Variants in ADCY7 observed in about 807,000 individuals in gnomAD.
ADCY7 encodes adenylate cyclase 7.
ADCY7 carries 72 observed loss-of-function variants against 120.6 expected under a neutral mutation model. That is an observed-to-expected ratio of 0.60 (90% CI 0.49 to 0.73). ADCY7 has a LOEUF of 0.73. Among genes scored for constraint, ADCY7 ranks in the 30% least tolerant of loss-of-function variants. The probability of loss-of-function intolerance (pLI) is 0.00; values close to 1 mark genes in which losing one functional copy is unlikely to be tolerated. For synonymous variants in ADCY7, 661 were observed against 628.0 expected (o/e 1.05, Z -0.78); for missense variants, 1,227 against 1,486.0 (o/e 0.83, Z 2.87).
In ADCY7 at chr16:50,305,400, C is replaced by T. The variant is rs1272548077; in HGVS notation, c.1596-103C>T. 15 of 1,004,206 alleles carry T rather than the reference C, an allele frequency of 1.5e-5. No individual in the cohort carries two copies. In the East Asian group the frequency reaches 3.1e-4, roughly 21 times the overall value. The allele number at this position is 1,004,206 out of a possible 1,614,324, so 62.2% of individuals were successfully genotyped here. ...GGACCCACCCATTCCTTCACCATCC[C>T]ACCTGAGGTTCTGGGACCCCACTGG... On this transcript the variant is annotated intron_variant, in intron 12 of 25. Coordinates refer to ENST00000673801, the MANE Select transcript of ADCY7 (RefSeq NM_001114.5).
chr16:50,306,973 TAAAGCTGA>T, intron 14 of ADCY7, 69 bp from the exon 15 acceptor site: 1 of 1,174,420 alleles, frequency 8.5e-7, no homozygotes, highest in African/African-American at 1.5e-5. Context: ...GTGTTTTTTT[TAAAGCTGA>T]TTCACTGGAG....
At chr16:50,313,911 G>A in intron 22 of ADCY7, 47 bp from the exon 23 acceptor site, 1 of 1,529,244 alleles carries the variant, frequency 6.5e-7, no homozygotes, top group Non-Finnish European at 9.0e-7. Flanking sequence ...CAGCCTGGCT[G>A]CGGCTATGGA....
intron 17 of ADCY7, chr16:50,309,001 C>T: frequency 3.8e-6 from 2 of 527,784 alleles, no homozygotes; most frequent in African/African-American, 3.9e-5. Flanking sequence ...GCTTGTGTGG[C>T]CAGCTCCAGG....
rs73581635 is a variant in ADCY7 at position 50,311,945 on chromosome 16, G to A, written c.2449-91G>A. 2.3e-3 allele frequency: 3,622 copies of A among 1,570,702 alleles called. 82 individuals carry two copies. In the African/African-American group the frequency reaches 0.043, roughly 19 times the overall value. On this transcript the variant is annotated intron_variant, in intron 20 of 25. Transcript: ENST00000673801. The stretch of plus-strand genomic sequence containing the variant: ...TCCCCTGGCCAGAGGCTCCAAGGAC[G>A]CCAGGGACAGACAGACCTGGCTAGG...
At chr16:50,260,195 G>T (rs1355674906) in intron 1 of ADCY7, among the ~76,000 whole-genome samples, 1 of 152,242 alleles carries the variant, frequency 6.6e-6, no homozygotes, top group Admixed American at 6.5e-5. Context: ...CTGGGTACAG[G>T]TCAATCTGGC....
At chr16:50,290,868 G>T (rs1237418558) in intron 3 of ADCY7, among the ~76,000 whole-genome samples, 2 of 152,196 alleles carry the variant, frequency 1.3e-5, no homozygotes, top group Non-Finnish European at 2.9e-5. Context: ...AGCACTTTTG[G>T]GTGGCTCCAG....
At chr16:50,294,501 T>A in intron 6 of ADCY7, 139 bp from the exon 7 acceptor site, 1 of 603,874 alleles carries the variant, frequency 1.7e-6, no homozygotes, top group Non-Finnish European at 2.9e-6. Flanking sequence ...CTCCCATCCC[T>A]ATGGAGGCTG....
chr16:50,277,276 A>G (rs1432113173), intron 1 of ADCY7, among the ~76,000 whole-genome samples: 1 of 152,164 alleles, frequency 6.6e-6, no homozygotes, highest in East Asian at 1.9e-4. Flanking sequence ...TCTTGTACTT[A>G]TGTCATTTCA....
chr16:50,295,345 A>ATTTTTTTTTTTTTTTTTTTTT (rs67137852), intron 7 of ADCY7, among the ~76,000 whole-genome samples: 1 of 82,738 alleles, frequency 1.2e-5, no homozygotes, highest in Non-Finnish European at 2.3e-5. Context: ...CGCCTGGCTA[A>ATTTTTTTTTTTTTTTTTTTTT]TTTTTTTTTT....
chr16:50,314,477 A>T, intron 24 of ADCY7, 71 bp downstream of exon 24: 6 of 1,118,682 alleles, frequency 5.4e-6, no homozygotes, highest in South Asian at 1.3e-5. Context: ...TGTGTGGCAC[A>T]GCTGCACCTC....
At chr16:50,247,843 A>T (rs187261265) in intron 1 of ADCY7, among the ~76,000 whole-genome samples, 20 of 152,250 alleles carry the variant, frequency 1.3e-4, no homozygotes, top group African/African-American at 4.8e-4. Context: ...CTCTTCCCTC[A>T]GCAGCCACAC....
intron 25 of ADCY7, 66 bp from the exon 26 acceptor site, chr16:50,315,293 A>G: frequency 1.3e-6 from 2 of 1,579,498 alleles, no homozygotes; most frequent in Admixed American, 3.4e-5. Context: ...GGCAGTCTCT[A>G]TCTGTCCCTA....
chr16:50,252,792 T>C (rs1426933344), intron 1 of ADCY7, among the ~76,000 whole-genome samples: 1 of 152,204 alleles, frequency 6.6e-6, no homozygotes, highest in African/African-American at 2.4e-5. Context: ...TGGTTTTCAT[T>C]TTTTAAAGTA....
rs2035662007 is a variant in ADCY7, at chr16:50,300,775, T to C, written c.1137T>C (p.Asn379=). 2 of 1,553,096 alleles carry C rather than the reference T, an allele frequency of 1.3e-6. No individual in the cohort carries two copies. Among genetic ancestry groups the C allele is most frequent in the Non-Finnish European group, 1.7e-6 (2 of 1,147,892 alleles). ...TGCGTGTGGGCATACACTCGGGGAA[T>C]GTGCTGTGCGGGGTCATCGGGCTGC... is the stretch of plus-strand genomic sequence containing the variant. ...INMRVGIHSG[N]VLCGVIGLRK... The change falls in exon 9 of 26, where the codon AAT becomes AAC. Residue 379 remains asparagine (N), a synonymous_variant. Coordinates refer to ENST00000673801, the MANE Select transcript of ADCY7 (RefSeq NM_001114.5).
intron 1 of ADCY7, among the ~76,000 whole-genome samples, chr16:50,259,145 A>G (rs1457134689): frequency 1.3e-5 from 2 of 152,234 alleles, no homozygotes; most frequent in Non-Finnish European, 2.9e-5. Flanking sequence ...GCCAAATTCT[A>G]TCACCTAGTG....
chr16:50,311,108 G>A (rs1047742812), intron 19 of ADCY7, among the ~76,000 whole-genome samples: 1 of 152,178 alleles, frequency 6.6e-6, no homozygotes, highest in Non-Finnish European at 1.5e-5. Flanking sequence ...CCAGTCTAGT[G>A]GTGGGGAGGG....
At chr16:50,300,671 C>T (rs985197366) in intron 8 of ADCY7, 44 bp from the exon 9 acceptor site, 79 of 1,547,316 alleles carry the variant, frequency 5.1e-5, no homozygotes, top group Non-Finnish European at 6.7e-5. Flanking sequence ...CAGCCTGTCC[C>T]AGGGCTTAGG....
At chr16:50,304,688 C>T in intron 11 of ADCY7, 137 bp downstream of exon 11, 1 of 1,051,804 alleles carries the variant, frequency 9.5e-7, no homozygotes, top group Admixed American at 2.4e-5. Flanking sequence ...GCCCCACCTC[C>T]TGGGGCTGGA....
Position 50,315,379 on chromosome 16 carries a change from C to T in ADCY7, c.3117C>T (p.Thr1039=), listed in dbSNP as rs753123108. 6.2e-7 allele frequency: 1 copy of T among 1,613,232 alleles called. No homozygotes were observed. The highest frequency in any genetic ancestry group is 1.3e-5 in the African/African-American group (1 of 75,044). Residue 1039 remains threonine (T), a synonymous_variant, in exon 26 of 26, where the codon ACC becomes ACT. Transcript: ENST00000673801. ...TTCAGGTTACCGAGGAGACCTGCAC[C>T]ATCCTCCAGGGCCTCGGGTACTCTT... ...GKIQVTEETC[T]ILQGLGYSCE...
Sources: allele counts gnomAD v4.1 joint callset (sites outside exome capture counted in the v4.1 genomes callset), GRCh38; gene constraint gnomAD v4.1.1; transcripts MANE v1.5; gene names NCBI Gene and HGNC (gene_info 2026-07-23, HGNC 2026-07-21).